CEP290: variants seen among roughly 807,000 people sequenced by gnomAD.
CEP290 encodes centrosomal protein 290.
CEP290 carries 317 observed loss-of-function variants against 344.9 expected under a neutral mutation model. The ratio of observed to expected loss-of-function variants is 0.92; its 90% confidence interval spans 0.84 to 1.01. The LOEUF (loss-of-function observed/expected upper bound fraction) is 1.01, where lower values mean the gene tolerates loss of function less well. Among genes scored for constraint, CEP290 ranks in the 50% least tolerant of loss-of-function variants. The probability of loss-of-function intolerance (pLI) is 0.00; values close to 1 mark genes in which losing one functional copy is unlikely to be tolerated. For missense variants in CEP290, 2,754 were observed against 2,761.4 expected (o/e 1.00, Z 0.06); for synonymous variants, 932 against 895.8 (o/e 1.04, Z -0.72).
intron 26 of CEP290, among the ~76,000 whole-genome samples, chr12:88,101,381 T>C (rs1274587165): frequency 2.7e-5 from 4 of 148,296 alleles, no homozygotes; most frequent in Non-Finnish European, 4.4e-5. Context: ...CTCAGGAGGC[T>C]GAGGCAGGAG....
intron 38 of CEP290, among the ~76,000 whole-genome samples, chr12:88,079,628 C>G (rs1357571059): frequency 6.6e-6 from 1 of 151,946 alleles, no homozygotes; most frequent in East Asian, 1.9e-4. Context: ...TAAAGTTTAC[C>G]CATAAATTTC....
intron 38 of CEP290, among the ~76,000 whole-genome samples, chr12:88,079,945 C>T (rs1256206728): frequency 6.6e-6 from 1 of 152,042 alleles, no homozygotes; most frequent in East Asian, 1.9e-4. Context: ...TTCCTAACTT[C>T]ATATAGATAA....
At chr12:88,082,771 T>G (rs1056377960) in intron 37 of CEP290, among the ~76,000 whole-genome samples, 12 of 152,198 alleles carry the variant, frequency 7.9e-5, no homozygotes, top group Non-Finnish European at 1.2e-4. Context: ...GAATTTGTAT[T>G]GGCTTTTGAG....
intron 21 of CEP290, 43 bp from the exon 22 acceptor site, chr12:88,111,394 C>T: frequency 6.6e-7 from 1 of 1,520,720 alleles, no homozygotes; most frequent in African/African-American, 1.4e-5. Context: ...ACTCTTACAC[C>T]CAAAGAAAGA....
Position 88,090,810 on chromosome 12 carries a change from C to T in CEP290, c.3491G>A (p.Arg1164Lys). ...TTGTGCATTCAAAATTTCAACTTGT[C>T]TTCTGGCAATATCAGAAATCTCTCT... Reference protein sequence around the residue: ...KLREISDIARRQVEILNAQQQ... With the variant: ...KLREISDIARKQVEILNAQQQ... The change falls in exon 30 of 54, where the codon AGA becomes AAA. Residue 1164 changes from arginine (R) to lysine (K), a missense_variant. Coordinates refer to ENST00000552810, the MANE Select transcript of CEP290 (RefSeq NM_025114.4). 2 of 1,558,882 alleles carry T rather than the reference C, an allele frequency of 1.3e-6. No individual in the cohort carries two copies. Among genetic ancestry groups the T allele is most frequent in the Non-Finnish European group, 1.7e-6 (2 of 1,149,524 alleles).
intron 44 of CEP290, among the ~76,000 whole-genome samples, chr12:88,067,761 AT>A (rs1361583354): frequency 6.6e-6 from 1 of 152,128 alleles, no homozygotes; most frequent in African/African-American, 2.4e-5. Flanking sequence ...AATTGACTTT[AT>A]TTATTGTTTG....
At chr12:88,103,995 G>A (rs1311009919) in intron 25 of CEP290, 1 of 151,938 alleles carries the variant, frequency 6.6e-6, no homozygotes, top group Non-Finnish European at 1.5e-5. Context: ...AAGTTCATGA[G>A]CAGGTAGAAG....
rs146701083 is a variant in CEP290 at position 88,090,039 on chromosome 12, T to G, written c.3574-552A>C. The stretch of plus-strand genomic sequence containing the variant: ...CATGCCTGACTGTTACAGTTTTTTT[T>G]TAACCTCCATTGCAAGTAACATAAT... On this transcript the variant is annotated intron_variant, in intron 30 of 53. Coordinates refer to ENST00000552810, the MANE Select transcript of CEP290 (RefSeq NM_025114.4). 3.1e-3 allele frequency among the ~76,000 whole-genome samples: 479 copies of G among 152,258 alleles called. 2 individuals are homozygous for G. Among genetic ancestry groups the G allele is most frequent in the African/African-American group, 0.011 (450 of 41,548 alleles).
intron 3 of CEP290, among the ~76,000 whole-genome samples, chr12:88,140,510 C>T (rs547264841): frequency 6.6e-6 from 1 of 152,134 alleles, no homozygotes; most frequent in Non-Finnish European, 1.5e-5. Context: ...AACATATTTC[C>T]TGTTCTCAGT....
chr12:88,054,197 G>A, intron 51 of CEP290, 143 bp downstream of exon 51: 1 of 594,050 alleles, frequency 1.7e-6, no homozygotes, highest in East Asian at 3.0e-5. Context: ...GCATTAGAGG[G>A]AAGAAATAAG....
rs1345322609 is a variant in CEP290, at chr12:88,049,237, AAGC to A, written c.7384_7386del (p.Ala2462del). On this transcript the variant is annotated inframe_deletion, in exon 54 of 54. Coordinates refer to ENST00000552810, the MANE Select transcript of CEP290 (RefSeq NM_025114.4). ...TCTTCTTCATCTTCAAACTCTTCAG[AAGC>A]AGCAACAGGGCTAGTTAATTCAACT... The A allele has an allele frequency of 1.5e-5, 24 of 1,608,648 alleles. No individual in the cohort carries two copies. The highest frequency in any genetic ancestry group is 2.0e-5 in the Non-Finnish European group (24 of 1,178,632).
chr12:88,049,298 T>C lies in CEP290; in HGVS notation c.7326A>G (p.Glu2442=). 2 of 1,603,050 alleles carry C rather than the reference T, an allele frequency of 1.2e-6. No individual in the cohort carries two copies. Among genetic ancestry groups the C allele is most frequent in the African/African-American group, 2.7e-5 (2 of 74,812 alleles). Residue 2442 remains glutamate (E), a synonymous_variant, in exon 54 of 54, where the codon GAA becomes GAG. Coordinates refer to ENST00000552810, the MANE Select transcript of CEP290 (RefSeq NM_025114.4). ...GTTCTGAAAGTTTTTTTACCTTCTC[T>C]TCTAAGAGAATATTCTTCTTCACTT... ...KEEVKKNILL[E]EKVKKLSEQL...
At chr12:88,064,541 A>G (rs2034748531) in intron 44 of CEP290, among the ~76,000 whole-genome samples, 1 of 152,128 alleles carries the variant, frequency 6.6e-6, no homozygotes, top group Admixed American at 6.5e-5. Flanking sequence ...TTATTTGGAG[A>G]CTGGGTCTTT....
At chr12:88,111,178 T>A in intron 22 of CEP290, 24 bp downstream of exon 22, 3 of 1,301,794 alleles carry the variant, frequency 2.3e-6, no homozygotes, top group Non-Finnish European at 3.0e-6. Context: ...AAATTTTCAA[T>A]ACCTGTAACA....
chr12:88,055,497 AT>A, intron 50 of CEP290, 78 bp downstream of exon 50: 1 of 1,263,812 alleles, frequency 7.9e-7, no homozygotes, highest in Non-Finnish European at 1.1e-6. Context: ...GTCCATTTTT[AT>A]CTATATAAGA....
At chr12:88,099,982 TAA>T (rs869058639) in intron 26 of CEP290, among the ~76,000 whole-genome samples, 1 of 142,774 alleles carries the variant, frequency 7.0e-6, no homozygotes, top group Non-Finnish European at 1.5e-5. Flanking sequence ...TGGTCTCCTT[TAA>T]AAAAAAAAAA....
chr12:88,077,196 A>G lies in CEP290; in HGVS notation c.5709+26T>C, dbSNP rs769333347. On this transcript the variant is annotated intron_variant, in intron 41 of 53. Coordinates refer to ENST00000552810, the MANE Select transcript of CEP290 (RefSeq NM_025114.4). ...CTTACTCTGTCACTACCTTAAGCATATAAGTCAGTATGTTTCTTCACATAC... is the reference window on the plus strand; with the variant it reads ...CTTACTCTGTCACTACCTTAAGCATGTAAGTCAGTATGTTTCTTCACATAC... 25 of 1,593,078 alleles carry G rather than the reference A, an allele frequency of 1.6e-5. No individual in the cohort carries two copies. In the Admixed American group the frequency reaches 2.8e-4, roughly 18 times the overall value.
intron 22 of CEP290, 40 bp downstream of exon 22, chr12:88,111,162 C>T: frequency 8.6e-7 from 1 of 1,168,418 alleles, no homozygotes; most frequent in Non-Finnish European, 1.1e-6. Flanking sequence ...TTGTTATTCA[C>T]ATGTAAAATT....
At chr12:88,097,602 CACACACAT>C (rs369758281) in intron 26 of CEP290, among the ~76,000 whole-genome samples, 31 of 92,764 alleles carry the variant, frequency 3.3e-4, no homozygotes, top group East Asian at 2.7e-3. Context: ...TATACACACA[CACACACAT>C]ACACACACAC....
Sources: allele counts gnomAD v4.1 joint callset (sites outside exome capture counted in the v4.1 genomes callset), GRCh38; gene constraint gnomAD v4.1.1; transcripts MANE v1.5; gene names NCBI Gene and HGNC (gene_info 2026-07-23, HGNC 2026-07-21).